EBF4: variants seen among roughly 807,000 people sequenced by gnomAD.
The protein encoded by EBF4 is transcription factor COE4.
Under a neutral mutation model 67.1 loss-of-function variants are expected in EBF4, and 34 were observed. The observed-to-expected ratio is 0.51, with a 90% confidence interval of 0.39 to 0.67. The LOEUF (loss-of-function observed/expected upper bound fraction) is 0.67. Among genes scored for constraint, EBF4 ranks in the 30% least tolerant of loss-of-function variants. EBF4 has a pLI of 0.00. For synonymous variants in EBF4, 387 were observed against 377.7 expected, an observed-to-expected ratio of 1.02 and a Z score of -0.29; for missense variants, 837 against 873.3, an observed-to-expected ratio of 0.96 and a Z score of 0.52.
At chr20:2,706,365 T>A in intron 4 of EBF4, 101 bp downstream of exon 4, 1 of 1,365,972 alleles carries the variant, frequency 7.3e-7, no homozygotes, top group Non-Finnish European at 1.0e-6. Context: ...CTCATCTCCC[T>A]ATGCCCTCCG....
At chr20:2,737,372 G>A (rs2087903666) in intron 6 of EBF4, among the ~76,000 whole-genome samples, 1 of 152,094 alleles carries the variant, frequency 6.6e-6, no homozygotes, top group Non-Finnish European at 1.5e-5. Context: ...CCTGCAACTT[G>A]AATAATAAGC....
Position 2,693,756 on chromosome 20 carries a change from C to A in EBF4, c.111C>A (p.Ile37=). Residue 37 remains isoleucine (I), a synonymous_variant, in exon 1 of 17, where the codon ATC becomes ATA. Transcript: ENST00000609451. This position sits in a 1 kb window ranked among gnomAD's most constrained non-coding sequence, Gnocchi z 4.6. ...GCTCCTGGATGCAGGGCGCGGGCAT[C>A]CTGGACGCCAGCACCGCGGCGCAGA... 1 of 1,343,906 alleles carries A rather than the reference C, an allele frequency of 7.4e-7. No individual in the cohort carries two copies. The highest frequency in any genetic ancestry group is 9.5e-7 in the Non-Finnish European group (1 of 1,050,296). The allele number at this position is 1,343,906 out of a possible 1,614,324, so 83.2% of individuals were successfully genotyped here.
intron 1 of EBF4, among the ~76,000 whole-genome samples, chr20:2,700,595 C>A (rs1373360413): frequency 1.3e-5 from 2 of 152,142 alleles, no homozygotes; most frequent in African/African-American, 4.8e-5. Flanking sequence ...ACATCTGCAC[C>A]CAGGATGTGC....
intron 6 of EBF4, among the ~76,000 whole-genome samples, chr20:2,740,906 C>G (rs2087957483): frequency 6.6e-6 from 1 of 152,094 alleles, no homozygotes; most frequent in South Asian, 2.1e-4. Flanking sequence ...GGGTAATTCT[C>G]AGATTACCTT....
intron 6 of EBF4, among the ~76,000 whole-genome samples, chr20:2,744,848 A>G (rs998920951): frequency 2.0e-5 from 3 of 152,202 alleles, no homozygotes; most frequent in Admixed American, 6.5e-5. Context: ...TGATACAACT[A>G]ATTATCATAA....
intron 6 of EBF4, among the ~76,000 whole-genome samples, chr20:2,723,770 G>A (rs2087715088): frequency 1.4e-5 from 2 of 139,244 alleles, no homozygotes; most frequent in Admixed American, 6.9e-5. Flanking sequence ...TGGTGTATAG[G>A]TGACAAATAA....
At chr20:2,743,116 C>T (rs558836717) in intron 6 of EBF4, among the ~76,000 whole-genome samples, 1 of 152,202 alleles carries the variant, frequency 6.6e-6, no homozygotes, top group Non-Finnish European at 1.5e-5. Context: ...GGACCTGCTG[C>T]CCCTCCTTCT....
chr20:2,698,699 C>T (rs545542977), intron 1 of EBF4, among the ~76,000 whole-genome samples: 1 of 152,252 alleles, frequency 6.6e-6, no homozygotes, highest in South Asian at 2.1e-4. Flanking sequence ...CCCTCCACTT[C>T]CTGGGGTGAT....
chr20:2,728,447 C>G (rs1414273403), intron 6 of EBF4, among the ~76,000 whole-genome samples: 2 of 152,114 alleles, frequency 1.3e-5, no homozygotes, highest in East Asian at 3.9e-4. Flanking sequence ...TTTCTTCATT[C>G]ACCTTCACCC....
At chr20:2,705,120 A>G (rs941474369) in intron 1 of EBF4, among the ~76,000 whole-genome samples, 5 of 152,240 alleles carry the variant, frequency 3.3e-5, no homozygotes. Flanking sequence ...AGGCAACACC[A>G]CAGGCTCATG....
Position 2,693,830 on chromosome 20 carries a change from G to A in EBF4, c.137+48G>A, listed in dbSNP as rs2087247956. On this transcript the variant is annotated intron_variant, in intron 1 of 16. Transcript: ENST00000609451. This position sits in a 1 kb window ranked among gnomAD's most constrained non-coding sequence, Gnocchi z 4.6. ...GTGCGCTCGGGTTGGACGGCTGCGC[G>A]CCGCCTCAGCTCAGCTTGCTGGAGC... 3 of 1,260,370 alleles carry A rather than the reference G, an allele frequency of 2.4e-6. No individual in the cohort carries two copies. The highest frequency in any genetic ancestry group is 3.0e-6 in the Non-Finnish European group (3 of 1,002,136). 78.1% of individuals were successfully genotyped at this position (1,260,370 alleles called of 1,614,324 possible).
intron 8 of EBF4, 27 bp downstream of exon 8, chr20:2,749,545 C>A (rs1048329135): frequency 6.5e-6 from 10 of 1,539,270 alleles, no homozygotes; most frequent in Non-Finnish European, 7.9e-6. Context: ...CAGCCCCGGC[C>A]GCCGCGGGCC....
intron 6 of EBF4, among the ~76,000 whole-genome samples, chr20:2,744,003 C>T (rs996374713): frequency 2.3e-4 from 35 of 152,272 alleles, no homozygotes; most frequent in African/African-American, 8.2e-4. Flanking sequence ...TCCCTGCCCC[C>T]CAACTCACCC....
exon 13 of EBF4, chr20:2,752,135 C>A (rs754597350): frequency 5.5e-6 from 8 of 1,449,448 alleles, no homozygotes; most frequent in South Asian, 2.7e-5. Flanking sequence ...CTGTACAGCA[C>A]CCCCCGCGCA....
At position 2,693,744 on chromosome 20, in the gene EBF4, G is replaced by T; in HGVS notation, c.99G>T (p.Gln33His). ...TGGGCTCAGTGCGCTCCTGGATGCAGGGCGCGGGCATCCTGGACGCCAGCA... is the reference window on the plus strand; with the variant it reads ...TGGGCTCAGTGCGCTCCTGGATGCATGGCGCGGGCATCCTGGACGCCAGCA... Residue 33 changes from glutamine to histidine, a missense_variant, in exon 1 of 17, where the codon CAG (glutamine) becomes CAT (histidine). Physicochemically the swap from Gln to His is conservative, Grantham distance 24. Coordinates refer to ENST00000609451, the Ensembl canonical transcript of EBF4. The surrounding 1 kb of genome is among the most constrained non-coding windows in gnomAD (Gnocchi z 4.6). The T allele has an allele frequency of 7.4e-7, 1 of 1,351,758 alleles. No homozygotes were observed. The highest frequency in any genetic ancestry group is 1.7e-5 in the South Asian group (1 of 57,410). The allele number at this position is 1,351,758 out of a possible 1,614,324, so 83.7% of individuals were successfully genotyped here. A position where few individuals can be genotyped will look rare whatever the true frequency, so the allele number is the denominator to read the frequency against.
intron 6 of EBF4, among the ~76,000 whole-genome samples, chr20:2,737,661 T>C (rs1336712253): frequency 6.6e-6 from 1 of 151,904 alleles, no homozygotes; most frequent in African/African-American, 2.4e-5. Flanking sequence ...TAAGTGCAGC[T>C]GAGCCTGGAC....
At chr20:2,708,516 G>A (rs909753815) in intron 5 of EBF4, among the ~76,000 whole-genome samples, 10 of 152,162 alleles carry the variant, frequency 6.6e-5, no homozygotes, top group East Asian at 1.9e-4. Context: ...GATGCCAGTC[G>A]TACAGGGTCC....
chr20:2,753,035 G>A (rs1466731833), intron 14 of EBF4, among the ~76,000 whole-genome samples: 1 of 152,254 alleles, frequency 6.6e-6, no homozygotes, highest in African/African-American at 2.4e-5. Context: ...GGAGGATGTG[G>A]TCCCCGCGAT....
intron 6 of EBF4, among the ~76,000 whole-genome samples, chr20:2,720,074 C>T (rs2087660110): frequency 6.6e-6 from 1 of 152,150 alleles, no homozygotes; most frequent in Non-Finnish European, 1.5e-5. Flanking sequence ...TTGTTAGGTA[C>T]ATGGATGTCT....
Sources: gnomAD v4.1 joint callset for allele counts (sites outside exome capture counted in the v4.1 genomes callset) on GRCh38, gnomAD v4.1.1 for gene constraint, Gnocchi (gnomAD v3.1) non-coding constraint, MANE v1.5 for transcripts, NCBI Gene and HGNC (gene_info 2026-07-23, HGNC 2026-07-21) for gene names.